The following NALCN variants were observed in gnomAD, a reference collection of about 807,000 sequenced individuals.
NALCN encodes the protein sodium leak channel NALCN.
Under a neutral mutation model 225.3 loss-of-function variants are expected in NALCN, and 111 were observed. The ratio of observed to expected loss-of-function variants is 0.49; its 90% CI spans 0.42 to 0.58. NALCN has a LOEUF of 0.58. Among genes scored for constraint, NALCN ranks in the 20% least tolerant of loss-of-function variants. The pLI is 0.00. For missense variants in NALCN, 1,378 were observed against 2,202.4 expected, an observed-to-expected ratio of 0.63 and a Z score of 7.49; for synonymous variants, 764 against 769.0, an observed-to-expected ratio of 0.99 and a Z score of 0.11.
intron 13 of NALCN, among the ~76,000 whole-genome samples, chr13:101,196,093 TG>T (rs1222117490): frequency 9.9e-5 from 15 of 152,200 alleles, no homozygotes; most frequent in Non-Finnish European, 2.1e-4. Flanking sequence ...CAAGGTTAAA[TG>T]GAACCTTCCT....
intron 10 of NALCN, among the ~76,000 whole-genome samples, chr13:101,271,810 TGTCA>T (rs2042788612): frequency 6.6e-6 from 1 of 151,848 alleles, no homozygotes; most frequent in South Asian, 2.1e-4. Flanking sequence ...TGTGTGTGTG[TGTCA>T]GTGTGTCACC....
chr13:101,095,726 G>T (rs763228127), intron 27 of NALCN, 46 bp from the exon 28 acceptor site: 3 of 1,461,104 alleles, frequency 2.1e-6, no homozygotes, highest in Non-Finnish European at 2.8e-6. Flanking sequence ...GTCAGAAAAT[G>T]AACTCAGAAA....
At chr13:101,080,610 T>G (rs1226607379) in intron 34 of NALCN, among the ~76,000 whole-genome samples, 5 of 126,264 alleles carry the variant, frequency 4.0e-5, no homozygotes, top group African/African-American at 1.3e-4. Context: ...ATTAATTATA[T>G]AATCAATTAA....
chr13:101,283,943 G>A lies in NALCN; in HGVS notation c.1124C>T (p.Ala375Val). ...GTCATTGTACTGCACCTGGAGGCAGGCTGGGGCGCGTCCCTGGGGCTTGTT... is the reference window on the plus strand; with the variant it reads ...GTCATTGTACTGCACCTGGAGGCAGACTGGGGCGCGTCCCTGGGGCTTGTT... Reference protein sequence around the residue: ...DVNKPQGRAPACLQKMMRSSV... With the variant: ...DVNKPQGRAPVCLQKMMRSSV... The change falls in exon 10 of 44, where the codon GCC becomes GTC. Residue 375 changes from alanine (A) to valine (V), a missense_variant. By Grantham distance (64) the Ala-to-Val change is moderately conservative. This residue lies in a region of NALCN where 144 missense variants were observed against 187.7 expected (regional missense o/e 0.77). Coordinates refer to ENST00000251127, the MANE Select transcript of NALCN (RefSeq NM_052867.4). The A allele has an allele frequency of 5.6e-6, 9 of 1,612,522 alleles. No individual in the cohort carries two copies. Among genetic ancestry groups the A allele is most frequent in the Non-Finnish European group, 7.6e-6 (9 of 1,179,566 alleles).
chr13:101,273,884 C>CAAAA (rs34847260), intron 10 of NALCN, among the ~76,000 whole-genome samples: 6 of 95,858 alleles, frequency 6.3e-5, no homozygotes, highest in Non-Finnish European at 8.0e-5. Flanking sequence ...GACTCCATCT[C>CAAAA]AAAAAAAAAA....
chr13:101,334,378 G>A (rs2045294384), intron 7 of NALCN, among the ~76,000 whole-genome samples: 1 of 152,142 alleles, frequency 6.6e-6, no homozygotes, highest in Non-Finnish European at 1.5e-5. Context: ...GGAGCGGTAG[G>A]AGAGAGGCAA....
chr13:101,149,146 A>G (rs1186745951), intron 15 of NALCN, among the ~76,000 whole-genome samples: 1 of 152,142 alleles, frequency 6.6e-6, no homozygotes. Context: ...ACAAAAAATT[A>G]GCTGGGCGTG....
chr13:101,230,812 TTCTC>T (rs1243234995), intron 12 of NALCN, among the ~76,000 whole-genome samples: 1 of 150,780 alleles, frequency 6.6e-6, no homozygotes, highest in Non-Finnish European at 1.5e-5. Context: ...TACTCAACTA[TTCTC>T]TCTCTATATA....
chr13:101,315,165 T>C (rs1464446669), intron 7 of NALCN, among the ~76,000 whole-genome samples: 1 of 152,168 alleles, frequency 6.6e-6, no homozygotes, highest in Non-Finnish European at 1.5e-5. Flanking sequence ...ATGAGAAATA[T>C]GATCATATTC....
At chr13:101,067,548 T>A in intron 39 of NALCN, among the ~76,000 whole-genome samples, 1 of 152,200 alleles carries the variant, frequency 6.6e-6, no homozygotes, top group Non-Finnish European at 1.5e-5. Context: ...GTACTTTTAA[T>A]TGGGATTGCT....
At chr13:101,223,078 T>G (rs1212378533) in intron 13 of NALCN, among the ~76,000 whole-genome samples, 5 of 152,060 alleles carry the variant, frequency 3.3e-5, no homozygotes, top group Non-Finnish European at 7.4e-5. Flanking sequence ...CCCCCCAAAC[T>G]GATTCATACA....
chr13:101,158,791 C>A (rs528194065), intron 15 of NALCN, among the ~76,000 whole-genome samples: 19 of 152,324 alleles, frequency 1.2e-4, no homozygotes, highest in African/African-American at 4.6e-4. Flanking sequence ...TCTGGAAGTC[C>A]TCTCTTGCGC....
rs1209207680 is a variant in NALCN at position 101,242,818 on chromosome 13, T to A, written c.1267-4896A>T. 6.6e-5 allele frequency among the ~76,000 whole-genome samples: 7 copies of A among 106,734 alleles called. 2 individuals carry two copies. Among genetic ancestry groups the A allele is most frequent in the Non-Finnish European group, 1.5e-4 (7 of 47,604 alleles). The allele number at this position is 106,734 out of a possible 152,430, so 70.0% of individuals were successfully genotyped here. A position where few individuals can be genotyped will look rare whatever the true frequency, so the allele number is the denominator to read the frequency against. On this transcript the variant is annotated intron_variant, in intron 11 of 43. Coordinates refer to ENST00000251127, the MANE Select transcript of NALCN (RefSeq NM_052867.4). Reference sequence around the variant, plus strand: ...TTTTTAACACTGACAGATGAACATGTTGTCTGTGTTCAGATTCTGTAGTTG... The same window carrying A: ...TTTTTAACACTGACAGATGAACATGATGTCTGTGTTCAGATTCTGTAGTTG...
chr13:101,195,552 A>G (rs1451147100), intron 13 of NALCN, among the ~76,000 whole-genome samples: 1 of 152,264 alleles, frequency 6.6e-6, no homozygotes, highest in Admixed American at 6.5e-5. Context: ...TTGGCTGTTT[A>G]AATCAGTTTA....
intron 31 of NALCN, among the ~76,000 whole-genome samples, 158 bp from the exon 32 acceptor site, chr13:101,083,356 G>A (rs763353582): frequency 2.0e-5 from 3 of 152,092 alleles, no homozygotes; most frequent in Non-Finnish European, 4.4e-5. Context: ...GGCTGGCTCT[G>A]AATATTCAAA....
At chr13:101,236,920 T>TA (rs1390405847) in intron 12 of NALCN, among the ~76,000 whole-genome samples, 1 of 133,584 alleles carries the variant, frequency 7.5e-6, no homozygotes, top group Non-Finnish European at 1.6e-5. Context: ...ATAATAATAA[T>TA]AAAATAAAAT....
chr13:101,262,106 A>G (rs992513453), intron 10 of NALCN, among the ~76,000 whole-genome samples: 1 of 152,248 alleles, frequency 6.6e-6, no homozygotes, highest in Non-Finnish European at 1.5e-5. Context: ...TGAAATGATC[A>G]TATAGCTTTT....
At chr13:101,204,978 G>A (rs1389837155) in intron 13 of NALCN, among the ~76,000 whole-genome samples, 1 of 152,130 alleles carries the variant, frequency 6.6e-6, no homozygotes, top group Non-Finnish European at 1.5e-5. Context: ...ATGGAGAGCT[G>A]AAGTACATAG....
At position 101,083,806 on chromosome 13, in the gene NALCN, T is replaced by C. The variant is rs1333710212; in HGVS notation, c.3490-2A>G. 1.9e-5 allele frequency: 30 copies of C among 1,612,884 alleles called. No individual in the cohort carries two copies. Among genetic ancestry groups the C allele is most frequent in the Non-Finnish European group, 2.5e-5 (29 of 1,179,196 alleles). On this transcript the variant is annotated splice_acceptor_variant, in intron 30 of 43. Coordinates refer to ENST00000251127, the MANE Select transcript of NALCN (RefSeq NM_052867.4). LOFTEE classifies it high-confidence loss of function. ...ATCGACGGTCAGCAAAGCCGTCCCCTTAACAGACAAAAGAAAGCAGGAAAA... is the reference window on the plus strand; with the variant it reads ...ATCGACGGTCAGCAAAGCCGTCCCCCTAACAGACAAAAGAAAGCAGGAAAA...
Sources: gnomAD v4.1 joint callset for allele counts (sites outside exome capture counted in the v4.1 genomes callset) on GRCh38, gnomAD v4.1.1 for gene constraint, gnomAD v4.1.1 regional missense constraint, MANE v1.5 for transcripts, NCBI Gene and HGNC (gene_info 2026-07-23, HGNC 2026-07-21) for gene names.